HS3ST4: variants seen among roughly 807,000 people sequenced by gnomAD.
The protein encoded by HS3ST4 is heparan sulfate glucosamine 3-O-sulfotransferase 4.
In HS3ST4, 17 loss-of-function variants were observed where a neutral mutation model predicts 29.2. The observed-to-expected ratio is 0.58, with a 90% CI of 0.40 to 0.87. HS3ST4 has a LOEUF of 0.87. HS3ST4 is among the 40% of genes least tolerant of loss of function. The probability of loss-of-function intolerance (pLI) is 0.00; values close to 1 mark genes in which losing one functional copy is unlikely to be tolerated. For missense variants in HS3ST4, 627 were observed against 634.5 expected (o/e 0.99, Z 0.13); for synonymous variants, 314 against 285.7 (o/e 1.10, Z -1.00).
chr16:25,882,459 T>C (rs116995134), intron 1 of HS3ST4, among the ~76,000 whole-genome samples: 71 of 152,216 alleles, frequency 4.7e-4, no homozygotes, highest in Non-Finnish European at 8.2e-4. Context: ...TGGCAGGCAG[T>C]TTCAGGCACT....
intron 1 of HS3ST4, among the ~76,000 whole-genome samples, chr16:25,794,513 A>G (rs960422463): frequency 1.3e-5 from 2 of 150,478 alleles, no homozygotes; most frequent in Non-Finnish European, 3.0e-5. Context: ...AGAATTTTAG[A>G]CTGGTGATTA....
In HS3ST4 at chr16:25,692,983, CCCCCGA is replaced by C; in HGVS notation, c.568_573del (p.Pro190_Asp191del). 6.2e-7 allele frequency: 1 copy of C among 1,611,084 alleles called. No individual in the cohort carries two copies. The highest frequency in any genetic ancestry group is 8.5e-7 in the Non-Finnish European group (1 of 1,179,238). On this transcript the variant is annotated inframe_deletion, in exon 1 of 2. Coordinates refer to ENST00000331351, the MANE Select transcript of HS3ST4 (RefSeq NM_006040.3). The stretch of plus-strand genomic sequence containing the variant: ...AGCGAGAGGGGCGGCGCCGTCAGCA[CCCCCGA>C]CTATGGGGAGAAGAAGCTGCCACAG...
intron 1 of HS3ST4, among the ~76,000 whole-genome samples, chr16:25,711,422 G>A (rs530342281): frequency 6.6e-6 from 1 of 152,206 alleles, no homozygotes; most frequent in African/African-American, 2.4e-5. Context: ...GCAGCATGAA[G>A]GAGGGAAAGC....
intron 1 of HS3ST4, among the ~76,000 whole-genome samples, chr16:26,102,965 G>A (rs927854657): frequency 2.0e-5 from 3 of 152,132 alleles, no homozygotes; most frequent in Admixed American, 1.3e-4. Flanking sequence ...AACAACCACT[G>A]TGCAGAAGTG....
chr16:25,849,433 A>G (rs186119206), intron 1 of HS3ST4, among the ~76,000 whole-genome samples: 21 of 152,204 alleles, frequency 1.4e-4, no homozygotes, highest in Admixed American at 1.1e-3. Context: ...TCGTTTTGGT[A>G]TATTTATTTT....
intron 1 of HS3ST4, among the ~76,000 whole-genome samples, chr16:26,009,770 G>A (rs1390180909): frequency 6.6e-6 from 1 of 152,204 alleles, no homozygotes; most frequent in African/African-American, 2.4e-5. Context: ...ATTAGCTAAA[G>A]CAGTTCACGT....
intron 1 of HS3ST4, among the ~76,000 whole-genome samples, chr16:25,905,202 AG>A (rs1968167182): frequency 6.6e-6 from 1 of 152,268 alleles, no homozygotes; most frequent in South Asian, 2.1e-4. Flanking sequence ...CAAATTATGT[AG>A]GGAAGGCCAT....
intron 1 of HS3ST4, among the ~76,000 whole-genome samples, chr16:25,797,796 G>A (rs1428640538): frequency 6.6e-6 from 1 of 152,124 alleles, no homozygotes; most frequent in Non-Finnish European, 1.5e-5. Context: ...CTTGGAAATT[G>A]GCATTACTCA....
chr16:26,026,315 T>G (rs1969472717), intron 1 of HS3ST4, among the ~76,000 whole-genome samples: 1 of 152,174 alleles, frequency 6.6e-6, no homozygotes, highest in Admixed American at 6.5e-5. Flanking sequence ...TCAGAAAGGA[T>G]GCATTTGGTC....
intron 1 of HS3ST4, among the ~76,000 whole-genome samples, chr16:25,726,324 A>G (rs1160920366): frequency 1.3e-5 from 2 of 152,012 alleles, no homozygotes; most frequent in African/African-American, 4.8e-5. Flanking sequence ...ACACACACGT[A>G]CACACACATT....
intron 1 of HS3ST4, among the ~76,000 whole-genome samples, chr16:25,982,994 TG>T (rs1255287897): frequency 1.3e-5 from 2 of 152,092 alleles, no homozygotes; most frequent in African/African-American, 4.8e-5. Context: ...GGTATAAGAG[TG>T]AAGAAAACAG....
In HS3ST4 at chr16:25,893,933, C is replaced by T. The variant is rs1001829116; in HGVS notation, c.734+200782C>T. On this transcript the variant is annotated intron_variant, in intron 1 of 1. Coordinates refer to ENST00000331351, the MANE Select transcript of HS3ST4 (RefSeq NM_006040.3). ...TTGCCTTCTTCACTACTTATCAGGC[C>T]AGCCAGTAGAGGATTGCTTGGGTGG... Among the ~76,000 whole-genome samples, 48 of 152,186 alleles carry T rather than the reference C, an allele frequency of 3.2e-4. 1 individual carries two copies. Among genetic ancestry groups the T allele is most frequent in the African/African-American group, 1.2e-3 (48 of 41,452 alleles).
At chr16:25,943,306 G>C (rs1410353795) in intron 1 of HS3ST4, among the ~76,000 whole-genome samples, 1 of 152,144 alleles carries the variant, frequency 6.6e-6, no homozygotes, top group East Asian at 1.9e-4. Context: ...AGGAAATATG[G>C]AATAGTTCTG....
intron 1 of HS3ST4, among the ~76,000 whole-genome samples, chr16:25,710,163 T>A (rs1966405951): frequency 1.3e-5 from 2 of 152,232 alleles, no homozygotes; most frequent in African/African-American, 4.8e-5. Flanking sequence ...TAAATCAGTG[T>A]TCTGGAGAAG....
chr16:25,867,330 G>A (rs1967706116), intron 1 of HS3ST4, among the ~76,000 whole-genome samples: 1 of 152,118 alleles, frequency 6.6e-6, no homozygotes, highest in African/African-American at 2.4e-5. Flanking sequence ...AAACCCCGCT[G>A]ATAGGAGCAG....
In HS3ST4 at chr16:25,820,224, C is replaced by A. The variant is rs1186124065; in HGVS notation, c.734+127073C>A. Reference sequence around the variant, plus strand: ...GCCTGATGGACAATTGCTTACTGACCACCTGTGCTGTCTTTCAGTGACTGA... The same window carrying A: ...GCCTGATGGACAATTGCTTACTGACAACCTGTGCTGTCTTTCAGTGACTGA... On this transcript the variant is annotated intron_variant, in intron 1 of 1. Transcript: ENST00000331351. 4.0e-5 allele frequency among the ~76,000 whole-genome samples: 6 copies of A among 151,758 alleles called. No homozygotes were observed. The East Asian group carries it at 9.8e-4, about 25-fold the overall frequency.
chr16:25,909,229 C>T (rs1968211362), intron 1 of HS3ST4, among the ~76,000 whole-genome samples: 1 of 152,132 alleles, frequency 6.6e-6, no homozygotes, highest in Non-Finnish European at 1.5e-5. Flanking sequence ...TGCTCTGCAG[C>T]CCAGGCTGGA....
At chr16:25,843,036 T>G (rs1319328912) in intron 1 of HS3ST4, among the ~76,000 whole-genome samples, 4 of 152,234 alleles carry the variant, frequency 2.6e-5, no homozygotes, top group African/African-American at 9.6e-5. Flanking sequence ...CAGCATACAT[T>G]TTATTCCCAT....
chr16:26,027,112 T>A (rs566607578), intron 1 of HS3ST4, among the ~76,000 whole-genome samples: 1 of 152,222 alleles, frequency 6.6e-6, no homozygotes, highest in South Asian at 2.1e-4. Flanking sequence ...TTATTTTACT[T>A]CTTAAAATAA....
Sources: allele counts gnomAD v4.1 joint callset (sites outside exome capture counted in the v4.1 genomes callset), GRCh38; gene constraint gnomAD v4.1.1; transcripts MANE v1.5; gene names NCBI Gene and HGNC (gene_info 2026-07-23, HGNC 2026-07-21).